Variants in USP43 observed in about 807,000 individuals in gnomAD.
The protein encoded by USP43 is ubiquitin carboxyl-terminal hydrolase 43.
Under a neutral mutation model 90.7 loss-of-function variants are expected in USP43, and 33 were observed. The ratio of observed to expected loss-of-function variants is 0.36; its 90% CI spans 0.28 to 0.49. The LOEUF (loss-of-function observed/expected upper bound fraction) is 0.49. Among genes scored for constraint, USP43 ranks in the 20% least tolerant of loss-of-function variants. The probability of loss-of-function intolerance (pLI) is 0.98; values close to 1 mark genes in which losing one functional copy is unlikely to be tolerated. For missense variants in USP43, 1,274 were observed against 1,476.4 expected (o/e 0.86, Z 2.25); for synonymous variants, 598 against 615.8 (o/e 0.97, Z 0.43).
intron 7 of USP43, among the ~76,000 whole-genome samples, chr17:9,683,173 A>G (rs909371516): frequency 3.3e-5 from 5 of 152,188 alleles, no homozygotes; most frequent in Non-Finnish European, 5.9e-5. Context: ...AGGCCTTCCT[A>G]TTAATCGGAG....
intron 3 of USP43, among the ~76,000 whole-genome samples, chr17:9,672,974 A>G (rs991744232): frequency 3.3e-5 from 5 of 152,244 alleles, no homozygotes; most frequent in African/African-American, 1.2e-4. Context: ...AGGACTCAGG[A>G]AACCTGTTCT....
chr17:9,708,816 A>G (rs1030804600), intron 12 of USP43, among the ~76,000 whole-genome samples: 2 of 151,964 alleles, frequency 1.3e-5, no homozygotes, highest in African/African-American at 4.8e-5. Context: ...TTTAATAGAG[A>G]CGGGGTTTCA....
At chr17:9,718,178 T>TA (rs1916710429) in intron 14 of USP43, among the ~76,000 whole-genome samples, 1 of 152,148 alleles carries the variant, frequency 6.6e-6, no homozygotes, top group African/African-American at 2.4e-5. Flanking sequence ...GGACGAGAAA[T>TA]ATGCTGTAGG....
chr17:9,646,061 C>T lies in USP43; in HGVS notation c.429C>T (p.Val143=). 6.6e-7 allele frequency: 1 copy of T among 1,506,662 alleles called. No individual in the cohort carries two copies. The highest frequency in any genetic ancestry group is 1.7e-4 in the Middle Eastern group (1 of 5,718). 93.3% of individuals were successfully genotyped at this position (1,506,662 alleles called of 1,614,324 possible). ...GGGCGGCTCCGGGCCGCGCCGAGGT[C>T]ACCGAGCAGCTGGCGGCGCTGGTGC... ...RYRAAPGRAE[V]TEQLAALVRA... The change falls in exon 1 of 15, where the codon GTC becomes GTT. Residue 143 remains valine (V), a synonymous_variant. Coordinates refer to ENST00000285199, the MANE Select transcript of USP43 (RefSeq NM_153210.5).
intron 13 of USP43, 60 bp downstream of exon 13, chr17:9,710,174 A>G (rs1916104750): frequency 7.3e-7 from 1 of 1,367,024 alleles, no homozygotes; most frequent in Non-Finnish European, 9.5e-7. Flanking sequence ...AGAACTGGGA[A>G]GAGGCTCAGT....
rs187925476 is a variant in USP43 at position 9,679,611 on chromosome 17, C to T, written c.970-620C>T. Among the ~76,000 whole-genome samples the T allele has an allele frequency of 3.1e-3, 465 of 150,346 alleles. 1 individual carries two copies. The highest frequency in any genetic ancestry group is 6.0e-3 in the Admixed American group (91 of 15,066). ...CACGATCTCGGCTCACTGCAAGCTC[C>T]GCCTCCCGGGTTCACACCATTCTCC... On this transcript the variant is annotated intron_variant, in intron 5 of 14. Transcript: ENST00000285199.
rs115314145 is a variant in USP43, at chr17:9,646,064, C to G, written c.432C>G (p.Thr144=). The G allele has an allele frequency of 2.0e-6, 3 of 1,507,570 alleles. No individual in the cohort carries two copies. The highest frequency in any genetic ancestry group is 2.7e-6 in the Non-Finnish European group (3 of 1,128,764). 93.4% of individuals were successfully genotyped at this position (1,507,570 alleles called of 1,614,324 possible). ...CGGCTCCGGGCCGCGCCGAGGTCAC[C>G]GAGCAGCTGGCGGCGCTGGTGCGCG... ...YRAAPGRAEV[T]EQLAALVRAL... is the part of the protein sequence containing the mutation. The change falls in exon 1 of 15, where the codon ACC becomes ACG. Residue 144 remains threonine, a synonymous_variant. Transcript: ENST00000285199.
At chr17:9,703,382 G>A (rs892754370) in intron 12 of USP43, among the ~76,000 whole-genome samples, 4 of 152,178 alleles carry the variant, frequency 2.6e-5, no homozygotes, top group Non-Finnish European at 5.9e-5. Context: ...AGTAGCATAG[G>A]CGTGAGAAGC....
At chr17:9,713,289 A>G (rs537794555) in intron 14 of USP43, among the ~76,000 whole-genome samples, 28 of 152,064 alleles carry the variant, frequency 1.8e-4, no homozygotes, top group African/African-American at 6.3e-4. Flanking sequence ...GGGTTTCATC[A>G]TGTTGGTCAG....
intron 14 of USP43, among the ~76,000 whole-genome samples, chr17:9,715,969 ATGTGTGTGTGTCTGTGTTTGTGTATC>A (rs1916537344): frequency 7.5e-6 from 1 of 133,196 alleles, no homozygotes; most frequent in South Asian, 2.5e-4. Flanking sequence ...ATCTGTGTAT[ATGTGTGTGTGTCTGTGTTTGTGTATC>A]TGTGTGTGTG....
In USP43 at chr17:9,728,382, G is replaced by A. The variant is rs1177672946; in HGVS notation, c.2764G>A (p.Asp922Asn). ...ARKLKENAGQ[D>N]IKLPRKFDLP... Reference sequence around the variant, plus strand: ...GAAACTCAAGGAAAATGCAGGGCAGGACATCAAGCTTCCCAGAAAGTTTGA... The same window carrying A: ...GAAACTCAAGGAAAATGCAGGGCAGAACATCAAGCTTCCCAGAAAGTTTGA... Residue 922 changes from aspartate to asparagine, a missense_variant, in exon 15 of 15, where the codon GAC becomes AAC. Physicochemically the swap from Asp to Asn is conservative, Grantham distance 23 (BLOSUM62 1). Coordinates refer to ENST00000285199, the MANE Select transcript of USP43 (RefSeq NM_153210.5). The surrounding 1 kb of genome is among the most constrained non-coding windows in gnomAD (Gnocchi z 6.2). 4 of 1,608,046 alleles carry A rather than the reference G, an allele frequency of 2.5e-6. No homozygotes were observed. Among genetic ancestry groups the A allele is most frequent in the Admixed American group, 1.7e-5 (1 of 58,838 alleles).
intron 1 of USP43, 33 bp downstream of exon 1, chr17:9,646,169 C>G: frequency 1.4e-6 from 2 of 1,394,428 alleles, no homozygotes. Context: ...CCGCCCTGTC[C>G]CCCTGGTTTC....
chr17:9,727,303 T>C (rs1917322702), intron 14 of USP43, among the ~76,000 whole-genome samples: 2 of 152,104 alleles, frequency 1.3e-5, no homozygotes, highest in Middle Eastern at 3.2e-3. Context: ...TGTGGAGATA[T>C]AGGAAAGAAT....
rs143866748 is a variant in USP43 at position 9,684,038 on chromosome 17, A to G, written c.1241+1080A>G. On this transcript the variant is annotated intron_variant, in intron 7 of 14. Coordinates refer to ENST00000285199, the MANE Select transcript of USP43 (RefSeq NM_153210.5). ...TGTAGTTCCAGCTACTTGGGAGGCT[A>G]TGGCAGGAGAATCGCTTGAACCCAG... 6.3e-3 allele frequency among the ~76,000 whole-genome samples: 956 copies of G among 152,144 alleles called. 6 individuals are homozygous for G. Among genetic ancestry groups the G allele is most frequent in the African/African-American group, 0.022 (925 of 41,508 alleles).
intron 3 of USP43, among the ~76,000 whole-genome samples, chr17:9,667,842 C>T (rs551597163): frequency 7.2e-5 from 11 of 152,104 alleles, no homozygotes; most frequent in African/African-American, 2.2e-4. Context: ...TATAATCATG[C>T]GTTTATATGT....
At chr17:9,646,369 T>C (rs1911402663) in intron 1 of USP43, among the ~76,000 whole-genome samples, 1 of 152,068 alleles carries the variant, frequency 6.6e-6, no homozygotes, top group South Asian at 2.1e-4. Flanking sequence ...AGCTGGCAGA[T>C]TGAAGGGTAA....
At chr17:9,707,852 G>C (rs1449334812) in intron 12 of USP43, among the ~76,000 whole-genome samples, 2 of 152,138 alleles carry the variant, frequency 1.3e-5, no homozygotes, top group African/African-American at 2.4e-5. Flanking sequence ...TGGAGCTTCA[G>C]TGATGAACAA....
At chr17:9,695,665 G>C (rs1334062166) in intron 9 of USP43, among the ~76,000 whole-genome samples, 1 of 152,100 alleles carries the variant, frequency 6.6e-6, no homozygotes, top group Non-Finnish European at 1.5e-5. Context: ...AAAGTGTACA[G>C]TTCAGTGGGA....
At chr17:9,703,527 A>G (rs1202204208) in intron 12 of USP43, among the ~76,000 whole-genome samples, 1 of 152,200 alleles carries the variant, frequency 6.6e-6, no homozygotes, top group Non-Finnish European at 1.5e-5. Flanking sequence ...CCTTGCAGAG[A>G]TCTCCTGGGT....
Sources: allele counts gnomAD v4.1 joint callset (sites outside exome capture counted in the v4.1 genomes callset), GRCh38; gene constraint gnomAD v4.1.1; non-coding constraint Gnocchi (gnomAD v3.1); transcripts MANE v1.5; gene names NCBI Gene and HGNC (gene_info 2026-07-23, HGNC 2026-07-21).